The following ADAMTS12 variants were observed in gnomAD, a reference collection of about 807,000 sequenced individuals.
ADAMTS12 encodes ADAM metallopeptidase with thrombospondin type 1 motif 12, also known as A disintegrin and metalloproteinase with thrombospondin motifs 12.
Under a neutral mutation model 167.8 loss-of-function variants are expected in ADAMTS12, and 118 were observed. That is an observed-to-expected ratio of 0.70 (90% confidence interval 0.61 to 0.82). The LOEUF (loss-of-function observed/expected upper bound fraction) is 0.82, where lower values mean the gene tolerates loss of function less well. Ranked by LOEUF, ADAMTS12 falls within the 40% of genes least tolerant of loss-of-function variation. The pLI is 0.00. For missense variants in ADAMTS12, 1,916 were observed against 1,998.8 expected, an observed-to-expected ratio of 0.96 and a Z score of 0.79; for synonymous variants, 704 against 716.9, an observed-to-expected ratio of 0.98 and a Z score of 0.29.
At chr5:33,846,619 G>C (rs1217525131) in intron 2 of ADAMTS12, among the ~76,000 whole-genome samples, 1 of 152,176 alleles carries the variant, frequency 6.6e-6, no homozygotes, top group Non-Finnish European at 1.5e-5. Flanking sequence ...ATCATGTGAA[G>C]GCTTCAAAGG....
chr5:33,802,784 C>G (rs1468410509), intron 2 of ADAMTS12, among the ~76,000 whole-genome samples: 2 of 152,178 alleles, frequency 1.3e-5, no homozygotes, highest in African/African-American at 4.8e-5. Flanking sequence ...TTAGCAATAG[C>G]AGTCCTCTAT....
chr5:33,857,640 A>G (rs533592801), intron 2 of ADAMTS12, among the ~76,000 whole-genome samples: 1 of 151,794 alleles, frequency 6.6e-6, no homozygotes, highest in Admixed American at 6.6e-5. Flanking sequence ...AAGTTCAGTT[A>G]GAACTGAAAC....
At chr5:33,799,260 A>T (rs2112469655) in intron 2 of ADAMTS12, among the ~76,000 whole-genome samples, 1 of 152,318 alleles carries the variant, frequency 6.6e-6, no homozygotes, top group Non-Finnish European at 1.5e-5. Flanking sequence ...ATTAAGTGCA[A>T]ACACAGAATG....
chr5:33,733,808 C>T (rs1744276262), intron 3 of ADAMTS12, among the ~76,000 whole-genome samples: 1 of 152,112 alleles, frequency 6.6e-6, no homozygotes, highest in Admixed American at 6.6e-5. Context: ...GCTCTGATAA[C>T]AGAGATCAGT....
At chr5:33,581,088 A>G (rs966577466) in intron 18 of ADAMTS12, among the ~76,000 whole-genome samples, 1 of 152,346 alleles carries the variant, frequency 6.6e-6, no homozygotes, top group African/African-American at 2.4e-5. Flanking sequence ...ACTGCAGAAC[A>G]GGCAGTGCTG....
At chr5:33,770,995 T>C (rs1209453668) in intron 2 of ADAMTS12, among the ~76,000 whole-genome samples, 1 of 152,140 alleles carries the variant, frequency 6.6e-6, no homozygotes, top group African/African-American at 2.4e-5. Flanking sequence ...CTGGTCCTCA[T>C]TACTTTTTAA....
At chr5:33,781,001 T>C (rs1746105873) in intron 2 of ADAMTS12, among the ~76,000 whole-genome samples, 1 of 152,206 alleles carries the variant, frequency 6.6e-6, no homozygotes, top group Non-Finnish European at 1.5e-5. Context: ...TGAAGAATAC[T>C]GTCATAATAG....
rs192259919 is a variant in ADAMTS12, at chr5:33,830,739, C to G, written c.489+50380G>C. 3.3e-5 allele frequency among the ~76,000 whole-genome samples: 5 copies of G among 152,136 alleles called. No homozygotes were observed. The East Asian group carries it at 9.7e-4, about 29-fold the overall frequency. On this transcript the variant is annotated intron_variant, in intron 2 of 23. Coordinates refer to ENST00000504830, the MANE Select transcript of ADAMTS12 (RefSeq NM_030955.4). ...CCCAGGAGGTCAAGGCTGCAGTGAG[C>G]CATGATTACACCACCGCACTCCAGC... is the stretch of plus-strand genomic sequence containing the variant.
chr5:33,648,819 T>C lies in ADAMTS12; in HGVS notation c.1479+3A>G, dbSNP rs368520455. ...GCATATAGCCACCAAGAGGTACACTTACTTCTACTTCCTGGCAGAAGGTAG... is the reference window on the plus strand; with the variant it reads ...GCATATAGCCACCAAGAGGTACACTCACTTCTACTTCCTGGCAGAAGGTAG... On this transcript the variant is annotated splice_donor_region_variant and intron_variant, in intron 9 of 23. Coordinates refer to ENST00000504830, the MANE Select transcript of ADAMTS12 (RefSeq NM_030955.4). The C allele has an allele frequency of 1.9e-6, 3 of 1,613,970 alleles. No homozygotes were observed. The highest frequency in any genetic ancestry group is 2.5e-6 in the Non-Finnish European group (3 of 1,179,952).
intron 2 of ADAMTS12, among the ~76,000 whole-genome samples, chr5:33,818,346 A>G (rs1454715817): frequency 6.6e-6 from 1 of 152,142 alleles, no homozygotes; most frequent in Non-Finnish European, 1.5e-5. Context: ...TATGCCACAT[A>G]TAAGTGACAT....
intron 2 of ADAMTS12, among the ~76,000 whole-genome samples, chr5:33,805,399 C>A (rs565455214): frequency 6.6e-6 from 1 of 152,100 alleles, no homozygotes; most frequent in South Asian, 2.1e-4. Context: ...GTAGTTGAGC[C>A]GTATTCTCCA....
chr5:33,663,142 C>T (rs1328052207), intron 5 of ADAMTS12, among the ~76,000 whole-genome samples: 1 of 152,252 alleles, frequency 6.6e-6, no homozygotes, highest in Non-Finnish European at 1.5e-5. Flanking sequence ...CGAAAGGTGG[C>T]TCATCACGTG....
At chr5:33,633,317 C>A (rs1282899046) in intron 12 of ADAMTS12, among the ~76,000 whole-genome samples, 1 of 137,036 alleles carries the variant, frequency 7.3e-6, no homozygotes, top group Non-Finnish European at 1.5e-5. Flanking sequence ...CCTGTTTCCA[C>A]AACACAGGAC....
In ADAMTS12 at chr5:33,751,564, G is replaced by A; in HGVS notation, c.490-16C>T. 2 of 1,610,868 alleles carry A rather than the reference G, an allele frequency of 1.2e-6. No individual in the cohort carries two copies. The highest frequency in any genetic ancestry group is 1.7e-6 in the Non-Finnish European group (2 of 1,178,716). ...AAAATCCAGTCTGTAAATACATTCA[G>A]TAAGAAAGTTTATTTTAACCAATTC... On this transcript the variant is annotated splice_polypyrimidine_tract_variant and intron_variant, in intron 2 of 23. Coordinates refer to ENST00000504830, the MANE Select transcript of ADAMTS12 (RefSeq NM_030955.4).
chr5:33,823,484 T>C (rs890262788), intron 2 of ADAMTS12, among the ~76,000 whole-genome samples: 2 of 152,140 alleles, frequency 1.3e-5, no homozygotes, highest in Non-Finnish European at 2.9e-5. Context: ...GGTACAAATA[T>C]AATGATCAAT....
chr5:33,685,814 A>G (rs1218524897), intron 3 of ADAMTS12, among the ~76,000 whole-genome samples: 3 of 152,144 alleles, frequency 2.0e-5, no homozygotes, highest in Non-Finnish European at 2.9e-5. Context: ...TCCCTAAGAA[A>G]TGTCAAGATT....
Position 33,588,789 on chromosome 5 carries a change from T to C in ADAMTS12, c.2675A>G (p.Glu892Gly). 1 of 1,613,580 alleles carries C rather than the reference T, an allele frequency of 6.2e-7. No individual in the cohort carries two copies. The highest frequency in any genetic ancestry group is 8.5e-7 in the Non-Finnish European group (1 of 1,180,018). The change falls in exon 18 of 24, where the codon GAA (glutamate) becomes GGA (glycine). Residue 892 changes from glutamate (E) to glycine (G), a missense_variant. Coordinates refer to ENST00000504830, the MANE Select transcript of ADAMTS12 (RefSeq NM_030955.4). ...CPPRWWAGEWEACSATCGPHG... is the reference protein window; with the variant it reads ...CPPRWWAGEWGACSATCGPHG... ...GGGCCCGCATGTCGCCGAGCATGCT[T>C]CCCACTCCCCTGCCCACCACCTGCA...
chr5:33,676,291 C>A (rs11749450), intron 5 of ADAMTS12, among the ~76,000 whole-genome samples: 26,590 of 152,090 alleles, frequency 0.17, 3,004 homozygotes, highest in Non-Finnish European at 0.24. Context: ...GTATTGATTT[C>A]TCTTGGAATT....
chr5:33,737,268 G>C (rs1744407912), intron 3 of ADAMTS12, among the ~76,000 whole-genome samples: 3 of 152,196 alleles, frequency 2.0e-5, no homozygotes, highest in Non-Finnish European at 2.9e-5. Flanking sequence ...GAAAGGTGGT[G>C]ACTCTATCAA....
Sources: gnomAD v4.1 joint callset for allele counts (sites outside exome capture counted in the v4.1 genomes callset) on GRCh38, gnomAD v4.1.1 for gene constraint, MANE v1.5 for transcripts, NCBI Gene and HGNC (gene_info 2026-07-23, HGNC 2026-07-21) for gene names.